The following GRID2 variants were observed in gnomAD, a reference collection of about 807,000 sequenced individuals.
GRID2 encodes glutamate ionotropic receptor delta type subunit 2.
In GRID2, 33 loss-of-function variants were observed where a neutral mutation model predicts 114.8. The observed-to-expected ratio is 0.29, with a 90% confidence interval of 0.22 to 0.38. The LOEUF is 0.38. Ranked by LOEUF, GRID2 falls within the 10% of genes least tolerant of loss-of-function variation. The pLI, the probability that GRID2 is intolerant of heterozygous loss-of-function variation, is 1.00. For synonymous variants in GRID2, 505 were observed against 449.9 expected, an observed-to-expected ratio of 1.12 and a Z score of -1.55; for missense variants, 1,184 against 1,257.7, an observed-to-expected ratio of 0.94 and a Z score of 0.89.
At chr4:93,286,857 A>G (rs2149137278) in intron 8 of GRID2, among the ~76,000 whole-genome samples, 1 of 152,276 alleles carries the variant, frequency 6.6e-6, no homozygotes, top group Admixed American at 6.5e-5. Context: ...CTTTTGAATG[A>G]AGTTCAGCAT....
intron 14 of GRID2, among the ~76,000 whole-genome samples, chr4:93,632,417 T>C (rs1038354564): frequency 2.0e-5 from 3 of 152,216 alleles, no homozygotes; most frequent in South Asian, 2.1e-4. Flanking sequence ...AGGGATCCAG[T>C]TTCAGCTTTT....
At chr4:93,388,055 A>T (rs1298528872) in intron 8 of GRID2, among the ~76,000 whole-genome samples, 1 of 152,086 alleles carries the variant, frequency 6.6e-6, no homozygotes, top group Non-Finnish European at 1.5e-5. Context: ...ATCATACAAA[A>T]TATATATTTA....
chr4:93,239,633 CA>C (rs1471589317), intron 8 of GRID2, among the ~76,000 whole-genome samples: 1 of 151,242 alleles, frequency 6.6e-6, no homozygotes, highest in Non-Finnish European at 1.5e-5. Context: ...TAATATGAAA[CA>C]TATAGAAAAC....
chr4:92,650,810 C>A (rs1483778897), intron 2 of GRID2, among the ~76,000 whole-genome samples: 4 of 151,964 alleles, frequency 2.6e-5, no homozygotes, highest in African/African-American at 9.7e-5. Context: ...CCCATAAATC[C>A]TGGCTATCAG....
chr4:93,604,237 T>C (rs1030760382), intron 13 of GRID2, among the ~76,000 whole-genome samples: 14 of 152,170 alleles, frequency 9.2e-5, no homozygotes, highest in African/African-American at 3.4e-4. Context: ...GGAAGTCCAT[T>C]CCAACCCCCA....
chr4:92,918,334 G>A (rs558419065), intron 2 of GRID2, among the ~76,000 whole-genome samples: 2 of 152,062 alleles, frequency 1.3e-5, no homozygotes, highest in South Asian at 4.2e-4. Context: ...CTAATTGAAT[G>A]CCCTTTATTT....
chr4:93,597,147 G>A (rs182835476), intron 13 of GRID2, among the ~76,000 whole-genome samples: 1 of 152,190 alleles, frequency 6.6e-6, no homozygotes, highest in Admixed American at 6.5e-5. Flanking sequence ...GGTAAACATT[G>A]GATTCTCAGC....
chr4:93,205,054 A>T (rs972744988), intron 4 of GRID2, among the ~76,000 whole-genome samples: 3 of 152,010 alleles, frequency 2.0e-5, no homozygotes, highest in Non-Finnish European at 4.4e-5. Flanking sequence ...CTTTCCTTAT[A>T]TCTTAGTTTC....
At chr4:93,750,898 C>A (rs1451779292) in intron 14 of GRID2, among the ~76,000 whole-genome samples, 1 of 152,208 alleles carries the variant, frequency 6.6e-6, no homozygotes, top group Non-Finnish European at 1.5e-5. Context: ...GAAATATTAT[C>A]TTCTGCTAAG....
chr4:92,406,087 T>C (rs1731016646), intron 1 of GRID2, among the ~76,000 whole-genome samples: 1 of 152,106 alleles, frequency 6.6e-6, no homozygotes, highest in Admixed American at 6.5e-5. Context: ...TCCTGTTTTG[T>C]ATTTGTTGGT....
chr4:93,125,425 A>G (rs1470737217), intron 4 of GRID2, among the ~76,000 whole-genome samples: 1 of 152,016 alleles, frequency 6.6e-6, no homozygotes, highest in East Asian at 1.9e-4. Flanking sequence ...AATATCTGCT[A>G]TTCAGTATTT....
At chr4:92,824,411 T>C (rs1314953559) in intron 2 of GRID2, among the ~76,000 whole-genome samples, 1 of 152,144 alleles carries the variant, frequency 6.6e-6, no homozygotes, top group African/African-American at 2.4e-5. Context: ...TATTCCCTGC[T>C]ACCTGTGACA....
intron 10 of GRID2, among the ~76,000 whole-genome samples, chr4:93,444,860 C>G (rs1488348917): frequency 6.6e-6 from 1 of 151,894 alleles, no homozygotes; most frequent in African/African-American, 2.4e-5. Context: ...AGAAAAGAGT[C>G]TAAAAGAACT....
At chr4:92,652,905 T>TATATATTTATAAATACATATAAAC (rs1732026122) in intron 2 of GRID2, among the ~76,000 whole-genome samples, 1 of 137,512 alleles carries the variant, frequency 7.3e-6, no homozygotes, top group Non-Finnish European at 1.6e-5. Context: ...TACATATAAA[T>TATATATTTATAAATACATATAAAC]ATATATTTAT....
intron 13 of GRID2, among the ~76,000 whole-genome samples, chr4:93,594,096 G>A (rs1455910929): frequency 2.6e-5 from 4 of 152,224 alleles, no homozygotes; most frequent in African/African-American, 9.6e-5. Context: ...CGTTGCTGGT[G>A]AGGAGCTGCA....
Position 93,472,056 on chromosome 4 carries a change from G to C in GRID2, c.1858+16082G>C, listed in dbSNP as rs181387592. Among the ~76,000 whole-genome samples the C allele has an allele frequency of 4.6e-3, 701 of 151,548 alleles. 8 individuals are homozygous for C. The highest frequency in any genetic ancestry group is 0.016 in the African/African-American group (665 of 41,318). ...AGTTAGAATTTTGGCCAGGCGCGGT[G>C]GCTCACACCTGTAATCCCAGCACTT... On this transcript the variant is annotated intron_variant, in intron 11 of 15. Coordinates refer to ENST00000282020, the MANE Select transcript of GRID2 (RefSeq NM_001510.4).
intron 13 of GRID2, among the ~76,000 whole-genome samples, chr4:93,613,084 T>C (rs1741145156): frequency 7.3e-6 from 1 of 136,596 alleles, no homozygotes; most frequent in African/African-American, 2.7e-5. Context: ...GCTGATACCC[T>C]TTCTTCCAGT....
chr4:92,777,710 G>A (rs952276227), intron 2 of GRID2, among the ~76,000 whole-genome samples: 75 of 147,800 alleles, frequency 5.1e-4, no homozygotes, highest in Middle Eastern at 3.5e-3. Context: ...AGAAGAGGAA[G>A]AGATACTAGG....
intron 2 of GRID2, among the ~76,000 whole-genome samples, chr4:92,693,460 C>T (rs919040318): frequency 6.6e-6 from 1 of 152,172 alleles, no homozygotes; most frequent in Non-Finnish European, 1.5e-5. Flanking sequence ...GGTTTACATA[C>T]TAAAAATAAT....
Sources: allele counts gnomAD v4.1 joint callset (sites outside exome capture counted in the v4.1 genomes callset), GRCh38; gene constraint gnomAD v4.1.1; transcripts MANE v1.5; gene names NCBI Gene and HGNC (gene_info 2026-07-23, HGNC 2026-07-21).